MLIP: variants seen among roughly 807,000 people sequenced by gnomAD.
MLIP encodes muscular LMNA-interacting protein.
A neutral mutation model predicts 84.8 loss-of-function variants in MLIP; 79 were observed. The observed-to-expected ratio is 0.93, with a 90% CI of 0.78 to 1.12. MLIP has a LOEUF of 1.12. Among genes scored for constraint, MLIP ranks in the 50% most tolerant of loss-of-function variants. MLIP has a pLI of 0.00. For missense variants in MLIP, 1,257 were observed against 1,160.6 expected (o/e 1.08, Z -1.21); for synonymous variants, 504 against 463.0 (o/e 1.09, Z -1.14).
intron 1 of MLIP, among the ~76,000 whole-genome samples, chr6:54,078,981 G>A (rs1021159348): frequency 1.3e-5 from 2 of 151,958 alleles, no homozygotes; most frequent in Admixed American, 6.6e-5. Flanking sequence ...ATGAACCACC[G>A]CGCCCGGCCC....
At chr6:54,070,710 G>T (rs1766434332) in intron 1 of MLIP, among the ~76,000 whole-genome samples, 1 of 152,020 alleles carries the variant, frequency 6.6e-6, no homozygotes, top group Non-Finnish European at 1.5e-5. Context: ...AGTTTGAGGG[G>T]CCTATGGTCT....
intron 1 of MLIP, among the ~76,000 whole-genome samples, chr6:54,058,454 G>C (rs1330065815): frequency 6.6e-6 from 1 of 152,152 alleles, no homozygotes; most frequent in Admixed American, 6.5e-5. Flanking sequence ...CATCTGTCTG[G>C]AGAAAGGGTA....
In MLIP at chr6:54,266,034, T is replaced by A; in HGVS notation, c.*79T>A. ...GCTAACCACTTGCTAGATTTAACTT[T>A]TTTTTTTTTTTCCAGAATGAGTGCT... On this transcript the variant is annotated 3_prime_UTR_variant, in exon 14 of 14. Transcript: ENST00000502396. 2 of 1,402,852 alleles carry A rather than the reference T, an allele frequency of 1.4e-6. No individual in the cohort carries two copies. The highest frequency in any genetic ancestry group is 2.0e-6 in the Non-Finnish European group (2 of 1,024,126). 86.9% of individuals were successfully genotyped at this position (1,402,852 alleles called of 1,614,324 possible).
chr6:54,089,616 C>T (rs1437986597), intron 1 of MLIP, among the ~76,000 whole-genome samples: 2 of 151,968 alleles, frequency 1.3e-5, no homozygotes, highest in Non-Finnish European at 2.9e-5. Context: ...AGCCTTTCAG[C>T]GACAAGAATC....
At chr6:54,219,371 T>A (rs1322544494) in intron 11 of MLIP, among the ~76,000 whole-genome samples, 5 of 4,046 alleles carry the variant, frequency 1.2e-3, no homozygotes, top group South Asian at 9.6e-3. Flanking sequence ...CATTTTAAAC[T>A]TTTTTTTTTT....
intron 1 of MLIP, among the ~76,000 whole-genome samples, chr6:54,073,025 T>C (rs10484650): frequency 0.23 from 35,041 of 152,100 alleles, 5,036 homozygotes; most frequent in African/African-American, 0.4. Context: ...TTGCTCCACA[T>C]GATCAGAAGT....
intron 9 of MLIP, among the ~76,000 whole-genome samples, chr6:54,173,968 A>G (rs1182897669): frequency 6.6e-6 from 1 of 151,698 alleles, no homozygotes. Flanking sequence ...GGATCCCACA[A>G]ATAAGTGAGA....
intron 1 of MLIP, among the ~76,000 whole-genome samples, chr6:54,075,881 A>G (rs1299966830): frequency 6.6e-6 from 1 of 152,204 alleles, no homozygotes; most frequent in African/African-American, 2.4e-5. Flanking sequence ...TTCAAAACCA[A>G]TCTAAGACTT....
At chr6:54,056,637 T>C (rs1270851191) in intron 1 of MLIP, among the ~76,000 whole-genome samples, 2 of 152,198 alleles carry the variant, frequency 1.3e-5, no homozygotes, top group East Asian at 3.8e-4. Context: ...ATCTTCTATA[T>C]GCAGAAAAAT....
At chr6:54,251,464 A>ATATC (rs1220693623) in intron 12 of MLIP, among the ~76,000 whole-genome samples, 2 of 129,436 alleles carry the variant, frequency 1.5e-5, no homozygotes. Context: ...ATATATATAT[A>ATATC]TATCTGTCTC....
chr6:54,221,560 G>C (rs888366792), intron 11 of MLIP, among the ~76,000 whole-genome samples: 2 of 151,838 alleles, frequency 1.3e-5, no homozygotes, highest in African/African-American at 4.8e-5. Context: ...AATGCTAAAA[G>C]ATGGCATTTA....
At chr6:54,054,527 C>T (rs1211409797) in intron 1 of MLIP, among the ~76,000 whole-genome samples, 2 of 151,182 alleles carry the variant, frequency 1.3e-5, no homozygotes, top group Non-Finnish European at 2.9e-5. Context: ...CAGAAACATA[C>T]ATTTTTGCAA....
chr6:54,218,115 T>A, intron 11 of MLIP: 1 of 402,734 alleles, frequency 2.5e-6, no homozygotes, highest in Non-Finnish European at 3.4e-6. Flanking sequence ...ATGTGTCACT[T>A]AAGAATGGGA....
chr6:54,206,401 C>T (rs1449553320), intron 11 of MLIP, among the ~76,000 whole-genome samples: 2 of 151,922 alleles, frequency 1.3e-5, no homozygotes, highest in Admixed American at 6.6e-5. Flanking sequence ...ATCTGATTTT[C>T]CAAGAAATAT....
At chr6:54,135,890 A>G (rs1263822426) in intron 3 of MLIP, among the ~76,000 whole-genome samples, 2 of 152,042 alleles carry the variant, frequency 1.3e-5, no homozygotes, top group African/African-American at 2.4e-5. Flanking sequence ...TAAAATGATG[A>G]ATTGTTCTTT....
intron 12 of MLIP, among the ~76,000 whole-genome samples, chr6:54,239,743 C>T (rs1018170667): frequency 1.3e-5 from 2 of 151,820 alleles, no homozygotes; most frequent in African/African-American, 4.8e-5. Context: ...GGCAGGATTG[C>T]ACTACTGCAC....
intron 2 of MLIP, among the ~76,000 whole-genome samples, chr6:54,123,626 A>T (rs937308027): frequency 6.6e-6 from 1 of 152,226 alleles, no homozygotes; most frequent in African/African-American, 2.4e-5. Context: ...TTATTAGCAT[A>T]TTTTCATTTA....
chr6:54,245,385 C>T (rs918418857), intron 12 of MLIP, among the ~76,000 whole-genome samples: 65 of 152,262 alleles, frequency 4.3e-4, no homozygotes, highest in African/African-American at 1.5e-3. Flanking sequence ...GCAGAGTTAT[C>T]CACACCTGAT....
chr6:54,137,776 C>G lies in MLIP; in HGVS notation c.1707C>G (p.Asp569Glu). ...LSSLKSKQDG[D>E]LRGPENPRNI... The stretch of plus-strand genomic sequence containing the variant: ...CTTTGAAGAGTAAACAGGATGGTGA[C>G]CTCAGGGGTCCAGAAAACCCCAGAA... The change falls in exon 4 of 14, where the codon GAC (aspartate) becomes GAG (glutamate). Residue 569 changes from aspartate (D) to glutamate (E), a missense_variant. Asp to Glu is a conservative substitution (Grantham distance 45, BLOSUM62 2). Transcript: ENST00000502396. 6.5e-7 allele frequency: 1 copy of G among 1,536,074 alleles called. No individual in the cohort carries two copies. The highest frequency in any genetic ancestry group is 8.7e-7 in the Non-Finnish European group (1 of 1,146,886).
Sources: gnomAD v4.1 joint callset for allele counts (sites outside exome capture counted in the v4.1 genomes callset) on GRCh38, gnomAD v4.1.1 for gene constraint, MANE v1.5 for transcripts, NCBI Gene and HGNC (gene_info 2026-07-23, HGNC 2026-07-21) for gene names.